Variants in DNAH8 observed in about 807,000 individuals in gnomAD.
DNAH8 encodes the protein dynein axonemal heavy chain 8.
A neutral mutation model predicts 562.1 loss-of-function variants in DNAH8; 382 were observed. The ratio of observed to expected loss-of-function variants is 0.68; its 90% CI spans 0.63 to 0.74. The LOEUF is 0.74. DNAH8 is among the 30% of genes least tolerant of loss of function. DNAH8 has a pLI of 0.00. For missense variants in DNAH8, 5,203 were observed against 5,620.4 expected (o/e 0.93, Z 2.37); for synonymous variants, 1,881 against 1,919.4 (o/e 0.98, Z 0.52).
Position 38,866,599 on chromosome 6 carries a change from A to G in DNAH8, c.6507A>G (p.Gly2169=), listed in dbSNP as rs376169172. The change falls in exon 46 of 93, where the codon GGA becomes GGG. Residue 2169 remains glycine, a synonymous_variant. Transcript: ENST00000327475. The part of the protein sequence containing the change: ...EFGIFLTMNP[G]YAGRQELPEN... The stretch of plus-strand genomic sequence containing the variant: ...CATATTTTAACTTTTAGAACCCTGG[A>G]TATGCTGGGCGCCAGGAACTACCAG... 4.4e-6 allele frequency: 7 copies of G among 1,607,658 alleles called. No homozygotes were observed. The African/African-American group carries it at 9.4e-5, about 22-fold the overall frequency.
intron 58 of DNAH8, 62 bp from the exon 59 acceptor site, chr6:38,894,639 G>C (rs1779553513): frequency 7.5e-7 from 1 of 1,324,828 alleles, no homozygotes; most frequent in African/African-American, 1.5e-5. Flanking sequence ...AGTTGTAAAA[G>C]TAATTCTACT....
intron 82 of DNAH8, among the ~76,000 whole-genome samples, chr6:38,962,840 G>T (rs1359852120): frequency 1.3e-5 from 2 of 152,142 alleles, no homozygotes; most frequent in African/African-American, 4.8e-5. Context: ...AACCTGGGTG[G>T]AATTGGAGAC....
chr6:38,842,367 G>C lies in DNAH8; in HGVS notation c.4467-1G>C. The C allele has an allele frequency of 6.3e-7, 1 of 1,596,336 alleles. No homozygotes were observed. Among genetic ancestry groups the C allele is most frequent in the South Asian group, 1.2e-5 (1 of 86,570 alleles). On this transcript the variant is annotated splice_acceptor_variant, in intron 33 of 92. Coordinates refer to ENST00000327475, the MANE Select transcript of DNAH8 (RefSeq NM_001206927.2). LOFTEE classifies it high-confidence loss of function. ...GATAACTTAGTTACTTTGTTTCCCA[G>C]AAAAGAACTCAACTTGCTGCAGAAG...
At chr6:38,814,175 A>T (rs770725578) in intron 25 of DNAH8, 46 bp downstream of exon 25, 1 of 1,117,068 alleles carries the variant, frequency 9.0e-7, no homozygotes, top group South Asian at 1.3e-5. Flanking sequence ...GTGCTTAAGA[A>T]GTATAGTACT....
intron 87 of DNAH8, among the ~76,000 whole-genome samples, chr6:38,986,876 A>G (rs1218489133): frequency 2.0e-5 from 3 of 152,230 alleles, no homozygotes; most frequent in East Asian, 1.9e-4. Flanking sequence ...TTTTGATCAT[A>G]TAACATTTGA....
At chr6:38,772,996 T>TTTTTTTTTTTTGTTG (rs1554205957) in intron 12 of DNAH8, among the ~76,000 whole-genome samples, 22 of 109,974 alleles carry the variant, frequency 2.0e-4, no homozygotes, top group African/African-American at 7.5e-4. Flanking sequence ...TTTTTTTTTT[T>TTTTTTTTTTTTGTTG]TTGTAGAGAT....
At chr6:38,818,605 G>C (rs544445978) in intron 26 of DNAH8, among the ~76,000 whole-genome samples, 34 of 149,554 alleles carry the variant, frequency 2.3e-4, no homozygotes, top group African/African-American at 8.5e-4. Context: ...CAGGTGAAGG[G>C]AATTTCAAGG....
rs1477119308 is a variant in DNAH8, at chr6:38,898,394, C to G, written c.9063+14C>G. On this transcript the variant is annotated intron_variant, in intron 61 of 92. Coordinates refer to ENST00000327475, the MANE Select transcript of DNAH8 (RefSeq NM_001206927.2). ...CATCTTATTAAGGTCCTAACTATTG[C>G]CTATTTACTGATATAAATAGATGAT... The G allele has an allele frequency of 6.5e-7, 1 of 1,535,796 alleles. No individual in the cohort carries two copies. Among genetic ancestry groups the G allele is most frequent in the Admixed American group, 2.4e-5 (1 of 41,756 alleles).
chr6:38,958,160 CCTGA>C (rs377700916), intron 82 of DNAH8, among the ~76,000 whole-genome samples: 59 of 143,986 alleles, frequency 4.1e-4, no homozygotes, highest in African/African-American at 1.4e-3. Context: ...AGCCACCACG[CCTGA>C]CTAATTTTTT....
chr6:38,814,135 T>C lies in DNAH8; in HGVS notation c.3333+6T>C. ...ATCTTGCAATTCCTAATGTGGTAAGTATTATTAAATACACTGATAATTTGA... is the reference window on the plus strand; with the variant it reads ...ATCTTGCAATTCCTAATGTGGTAAGCATTATTAAATACACTGATAATTTGA... On this transcript the variant is annotated splice_donor_region_variant and intron_variant, in intron 25 of 92. Transcript: ENST00000327475. The C allele has an allele frequency of 7.1e-7, 1 of 1,401,034 alleles. No homozygotes were observed. 86.8% of individuals were successfully genotyped at this position (1,401,034 alleles called of 1,614,324 possible).
chr6:38,906,547 G>A (rs1305817273), intron 63 of DNAH8, 140 bp downstream of exon 63: 9 of 660,236 alleles, frequency 1.4e-5, no homozygotes, highest in African/African-American at 7.3e-5. Flanking sequence ...AGATTTAGCA[G>A]ATTTTCTGAA....
intron 10 of DNAH8, among the ~76,000 whole-genome samples, chr6:38,756,370 T>G (rs1362048222): frequency 6.6e-6 from 1 of 152,096 alleles, no homozygotes; most frequent in Non-Finnish European, 1.5e-5. Flanking sequence ...GAGATAGGAG[T>G]GTGTCTACTA....
intron 62 of DNAH8, among the ~76,000 whole-genome samples, chr6:38,903,792 A>G (rs980597322): frequency 1.3e-5 from 2 of 151,502 alleles, no homozygotes; most frequent in Non-Finnish European, 2.9e-5. Context: ...TTGTATTTTT[A>G]GTAGAGGCAG....
intron 4 of DNAH8, among the ~76,000 whole-genome samples, chr6:38,733,841 G>A (rs1235588889): frequency 6.6e-6 from 1 of 151,618 alleles, no homozygotes; most frequent in Non-Finnish European, 1.5e-5. Context: ...AACCCGGGAG[G>A]TGGAGGTTGC....
At chr6:38,933,634 A>G (rs949890276) in intron 76 of DNAH8, among the ~76,000 whole-genome samples, 4 of 152,232 alleles carry the variant, frequency 2.6e-5, no homozygotes, top group Non-Finnish European at 1.5e-5. Context: ...CCCAGGGGTG[A>G]CCATTTTAAT....
intron 21 of DNAH8, among the ~76,000 whole-genome samples, chr6:38,795,926 C>T (rs187720833): frequency 6.6e-6 from 1 of 152,252 alleles, no homozygotes; most frequent in Admixed American, 6.5e-5. Flanking sequence ...CTTGTCTTGG[C>T]GCATCCAAGG....
At chr6:38,975,755 C>G (rs148825180) in intron 85 of DNAH8, among the ~76,000 whole-genome samples, 476 of 152,330 alleles carry the variant, frequency 3.1e-3, no homozygotes, top group Non-Finnish European at 5.2e-3. Flanking sequence ...GTTCGCTTTG[C>G]TAGACCTTAT....
chr6:38,819,742 A>G (rs1562895796), intron 26 of DNAH8, among the ~76,000 whole-genome samples: 4 of 152,204 alleles, frequency 2.6e-5, no homozygotes, highest in Admixed American at 2.6e-4. Flanking sequence ...CAGGAAATCT[A>G]GAAATAATTG....
chr6:39,000,280 G>A (rs571294464), intron 88 of DNAH8, among the ~76,000 whole-genome samples: 7 of 152,314 alleles, frequency 4.6e-5, no homozygotes, highest in African/African-American at 1.7e-4. Flanking sequence ...TGTATACATT[G>A]CTATGATAAC....
Sources: gnomAD v4.1 joint callset for allele counts (sites outside exome capture counted in the v4.1 genomes callset) on GRCh38, gnomAD v4.1.1 for gene constraint, MANE v1.5 for transcripts, NCBI Gene and HGNC (gene_info 2026-07-23, HGNC 2026-07-21) for gene names.